The following PPP1R37 variants were observed in gnomAD, a reference collection of about 807,000 sequenced individuals.
The protein encoded by PPP1R37 is protein phosphatase 1 regulatory subunit 37.
Under a neutral mutation model 61.0 loss-of-function variants are expected in PPP1R37, and 21 were observed. That is an observed-to-expected ratio of 0.34 (90% CI 0.24 to 0.50). The LOEUF is 0.50. Among genes scored for constraint, PPP1R37 ranks in the 20% least tolerant of loss-of-function variants. PPP1R37 has a pLI of 0.98. For missense variants in PPP1R37, 910 were observed against 952.7 expected, an observed-to-expected ratio of 0.96 and a Z score of 0.59; for synonymous variants, 443 against 433.5, an observed-to-expected ratio of 1.02 and a Z score of -0.27.
intron 1 of PPP1R37, among the ~76,000 whole-genome samples, chr19:45,129,594 G>T (rs1968451042): frequency 6.6e-6 from 1 of 152,152 alleles, no homozygotes; most frequent in South Asian, 2.1e-4. Context: ...ACTGAGCCCG[G>T]CCTTATTTAT....
chr19:45,096,921 G>A (rs1968000268), intron 1 of PPP1R37, among the ~76,000 whole-genome samples: 2 of 152,076 alleles, frequency 1.3e-5, no homozygotes, highest in South Asian at 4.2e-4. Flanking sequence ...CTGGGCAGGG[G>A]AGGGGTCATT....
At chr19:45,139,326 C>T (rs1968579422) in intron 2 of PPP1R37, among the ~76,000 whole-genome samples, 1 of 152,268 alleles carries the variant, frequency 6.6e-6, no homozygotes, top group South Asian at 2.1e-4. Context: ...TGCCCCAAGG[C>T]CCCCTCCTCG....
intron 1 of PPP1R37, among the ~76,000 whole-genome samples, chr19:45,099,577 C>G (rs1968036343): frequency 1.3e-5 from 2 of 152,246 alleles, no homozygotes; most frequent in African/African-American, 4.8e-5. Flanking sequence ...CTCCCAGGCC[C>G]TTTGCACACT....
At chr19:45,133,177 G>C (rs566983328) in intron 1 of PPP1R37, among the ~76,000 whole-genome samples, 1 of 152,114 alleles carries the variant, frequency 6.6e-6, no homozygotes. Context: ...TCCACCTCCC[G>C]GGTTCAAGTG....
intron 8 of PPP1R37, 54 bp downstream of exon 8, chr19:45,143,687 A>G (rs963282877): frequency 1.9e-6 from 2 of 1,050,476 alleles, no homozygotes; most frequent in Admixed American, 2.0e-5. Context: ...GCCACCTCCC[A>G]CTCCAGCTCT....
chr19:45,124,322 C>G (rs914451503), intron 1 of PPP1R37, among the ~76,000 whole-genome samples: 1 of 152,208 alleles, frequency 6.6e-6, no homozygotes, highest in Non-Finnish European at 1.5e-5. Flanking sequence ...CTGGGAAGCA[C>G]CGGGCCCTTC....
chr19:45,095,869 C>T (rs928812208), intron 1 of PPP1R37, among the ~76,000 whole-genome samples: 1 of 152,066 alleles, frequency 6.6e-6, no homozygotes, highest in African/African-American at 2.4e-5. Flanking sequence ...TCAGAATGCC[C>T]CCTGGCTATT....
rs530642644 is a variant in PPP1R37 at position 45,133,460 on chromosome 19, A to G, written c.203-5054A>G. ...CTGTGAGATGCTGTGAAGCCCACCT[A>G]AGGTCACTGAGTGTGTGAGAGAGAC... On this transcript the variant is annotated intron_variant, in intron 1 of 12. Transcript: ENST00000221462. Among the ~76,000 whole-genome samples, 6 of 152,306 alleles carry G rather than the reference A, an allele frequency of 3.9e-5. No homozygotes were observed. In the South Asian group the frequency reaches 1.0e-3, roughly 26 times the overall value.
chr19:45,133,647 A>C (rs1172283560), intron 1 of PPP1R37, among the ~76,000 whole-genome samples: 1 of 152,220 alleles, frequency 6.6e-6, no homozygotes, highest in East Asian at 1.9e-4. Context: ...CCTGTGGAAT[A>C]GGGGTCCTGT....
rs1291678810 is a variant in PPP1R37 at position 45,121,060 on chromosome 19, C to T, written c.203-17454C>T. Among the ~76,000 whole-genome samples, 3 of 152,170 alleles carry T rather than the reference C, an allele frequency of 2.0e-5. No individual in the cohort carries two copies. Among genetic ancestry groups the T allele is most frequent in the Admixed American group, 6.5e-5 (1 of 15,276 alleles). Reference sequence around the variant, plus strand: ...TCTCAGGGCCATTAGGAAGTGGAAACGAGATCGAGTTTGTCAATCGCTTAG... The same window carrying T: ...TCTCAGGGCCATTAGGAAGTGGAAATGAGATCGAGTTTGTCAATCGCTTAG... On this transcript the variant is annotated intron_variant, in intron 1 of 12. Coordinates refer to ENST00000221462, the MANE Select transcript of PPP1R37 (RefSeq NM_019121.2). The surrounding 1 kb of genome is among the most constrained non-coding windows in gnomAD (Gnocchi z 4.2).
At chr19:45,131,913 G>A (rs1568447690) in intron 1 of PPP1R37, among the ~76,000 whole-genome samples, 1 of 152,144 alleles carries the variant, frequency 6.6e-6, no homozygotes, top group South Asian at 2.1e-4. Flanking sequence ...TGTTGCCTGC[G>A]ACCCCACAGG....
intron 1 of PPP1R37, among the ~76,000 whole-genome samples, chr19:45,120,536 C>G (rs1047287234): frequency 6.6e-6 from 1 of 152,230 alleles, no homozygotes; most frequent in Non-Finnish European, 1.5e-5. Context: ...CAAGCTGCTG[C>G]AGTGACTGTC....
Position 45,145,382 on chromosome 19 carries a change from G to A in PPP1R37, c.1326G>A (p.Ala442=). ...AVKSFIETQK[A]LLAEIQNGCK... is the part of the protein sequence containing the mutation. ...AGAGCTTCATCGAGACGCAGAAGGC[G>A]CTGCTGGCCGAGATCCAGAACGGCT... Residue 442 remains alanine, a synonymous_variant, in exon 11 of 13, where the codon GCG becomes GCA. Coordinates refer to ENST00000221462, the MANE Select transcript of PPP1R37 (RefSeq NM_019121.2). 4 of 1,535,316 alleles carry A rather than the reference G, an allele frequency of 2.6e-6. No homozygotes were observed. The highest frequency in any genetic ancestry group is 3.5e-6 in the Non-Finnish European group (4 of 1,146,568).
chr19:45,126,924 ATGT>A (rs1968412452), intron 1 of PPP1R37, among the ~76,000 whole-genome samples: 1 of 152,200 alleles, frequency 6.6e-6, no homozygotes, highest in African/African-American at 2.4e-5. Flanking sequence ...GGGGCTGGTG[ATGT>A]TGGTTTCTTT....
intron 3 of PPP1R37, 60 bp from the exon 4 acceptor site, chr19:45,140,446 C>T (rs1599710969): frequency 2.1e-6 from 3 of 1,425,774 alleles, no homozygotes; most frequent in African/African-American, 1.4e-5. Context: ...GCAGAGGGCC[C>T]TTCCAGCCAT....
intron 12 of PPP1R37, 43 bp downstream of exon 12, chr19:45,146,523 G>T: frequency 7.2e-7 from 1 of 1,382,950 alleles, no homozygotes; most frequent in South Asian, 1.2e-5. Context: ...GAGGAGCTGA[G>T]AGAGCCTCTG....
intron 1 of PPP1R37, among the ~76,000 whole-genome samples, chr19:45,099,488 G>T (rs577041911): frequency 2.3e-4 from 35 of 152,310 alleles, no homozygotes; most frequent in Admixed American, 9.8e-4. Context: ...TGGAGCGGGG[G>T]CTCCACCACC....
chr19:45,110,182 C>T, intron 1 of PPP1R37, among the ~76,000 whole-genome samples: 1 of 149,148 alleles, frequency 6.7e-6, no homozygotes, highest in East Asian at 2.0e-4. Context: ...GTGGCGTGGT[C>T]ATGGCTCACT....
At chr19:45,125,679 A>G (rs968615512) in intron 1 of PPP1R37, among the ~76,000 whole-genome samples, 2 of 152,116 alleles carry the variant, frequency 1.3e-5, no homozygotes, top group African/African-American at 4.8e-5. Flanking sequence ...CTGACCGATC[A>G]TTGTAACAGA....
Sources: allele counts gnomAD v4.1 joint callset (sites outside exome capture counted in the v4.1 genomes callset), GRCh38; gene constraint gnomAD v4.1.1; non-coding constraint Gnocchi (gnomAD v3.1); transcripts MANE v1.5; gene names NCBI Gene and HGNC (gene_info 2026-07-23, HGNC 2026-07-21).